TENM3: variants seen among roughly 807,000 people sequenced by gnomAD.
TENM3 encodes teneurin-3.
In TENM3, 63 loss-of-function variants were observed where a neutral mutation model predicts 255.1. That is an observed-to-expected ratio of 0.25 (90% CI 0.20 to 0.30). The LOEUF (loss-of-function observed/expected upper bound fraction) is 0.30. Ranked by LOEUF, TENM3 falls within the 10% of genes least tolerant of loss-of-function variation. The pLI is 1.00. For synonymous variants in TENM3, 1,306 were observed against 1,322.3 expected (o/e 0.99, Z 0.27); for missense variants, 2,929 against 3,461.1 (o/e 0.85, Z 3.86).
At position 182,793,687 on chromosome 4, in the gene TENM3, C is replaced by A. The variant is rs746021316; in HGVS notation, c.7015C>A (p.His2339Asn). 71 of 1,613,858 alleles carry A rather than the reference C, an allele frequency of 4.4e-5. No individual in the cohort carries two copies. Among genetic ancestry groups the A allele is most frequent in the Non-Finnish European group, 5.9e-5 (70 of 1,179,842 alleles). The change falls in exon 26 of 28, where the codon CAT becomes AAT. Residue 2339 changes from histidine to asparagine, a missense_variant. Coordinates refer to ENST00000511685, the MANE Select transcript of TENM3 (RefSeq NM_001080477.4). The surrounding 1 kb of genome is among the most constrained non-coding windows in gnomAD (Gnocchi z 5.7). ...TGACTTTCAACTGGTAATTGGATTT[C>A]ATGGTGGCCTGTATGACCCACTCAC... Reference protein sequence around the residue: ...NIDFQLVIGFHGGLYDPLTKL... With the variant: ...NIDFQLVIGFNGGLYDPLTKL...
chr4:182,554,454 C>A (rs1742382891), intron 3 of TENM3, among the ~76,000 whole-genome samples: 1 of 152,102 alleles, frequency 6.6e-6, no homozygotes, highest in African/African-American at 2.4e-5. Context: ...CAGTTTTCTA[C>A]ATGATAGTAA....
the TENM3 span, among the ~76,000 whole-genome samples, chr4:181,872,421 G>A: frequency 6.6e-6 from 1 of 151,888 alleles, no homozygotes; most frequent in African/African-American, 2.4e-5. Context: ...TCATCACCCA[G>A]GTATTAAGCC....
At chr4:182,450,499 T>G (rs1773366771) in intron 3 of TENM3, among the ~76,000 whole-genome samples, 1 of 152,160 alleles carries the variant, frequency 6.6e-6, no homozygotes, top group Non-Finnish European at 1.5e-5. Context: ...GTTAAAAAAC[T>G]TGAGAAATGT....
At chr4:181,609,496 A>G in the TENM3 span, among the ~76,000 whole-genome samples, 3 of 152,136 alleles carry the variant, frequency 2.0e-5, no homozygotes, top group Non-Finnish European at 4.4e-5. Context: ...ACCTTTTTCT[A>G]GGAGGTTAAT....
intron 4 of TENM3, among the ~76,000 whole-genome samples, chr4:182,608,114 C>T (rs186939271): frequency 1.4e-4 from 21 of 152,246 alleles, no homozygotes; most frequent in Non-Finnish European, 2.8e-4. Context: ...TGTCTCAGTC[C>T]TCTTTACTTG....
the TENM3 span, among the ~76,000 whole-genome samples, chr4:182,076,879 G>A: frequency 2.6e-5 from 4 of 152,122 alleles, no homozygotes; most frequent in Non-Finnish European, 4.4e-5. Context: ...ACAGGTGACC[G>A]CATCTGGCCT....
the TENM3 span, among the ~76,000 whole-genome samples, chr4:181,554,490 G>A: frequency 1.3e-5 from 2 of 152,120 alleles, no homozygotes; most frequent in Non-Finnish European, 2.9e-5. Flanking sequence ...AACATAAATT[G>A]AGAAGATTCA....
the TENM3 span, among the ~76,000 whole-genome samples, chr4:181,605,563 AAAGAAAGAGAGAGAAAGAAAGGAAAG>A: frequency 9.0e-3 from 276 of 30,512 alleles, 27 homozygotes; most frequent in Non-Finnish European, 0.016. Context: ...AGAAAGAAAG[AAAGAAAGAGAGAGAAAGAAAGGAAAG>A]AAAGAAAGAA....
chr4:182,486,871 G>A (rs1052186872), intron 3 of TENM3, among the ~76,000 whole-genome samples: 5 of 152,192 alleles, frequency 3.3e-5, no homozygotes, highest in African/African-American at 1.2e-4. Flanking sequence ...GATGAGTCTA[G>A]TCCCTTGGGG....
At chr4:182,675,685 G>A (rs905263794) in intron 7 of TENM3, among the ~76,000 whole-genome samples, 7 of 152,166 alleles carry the variant, frequency 4.6e-5, no homozygotes, top group Non-Finnish European at 1.5e-5. Context: ...GATTATTTGT[G>A]TATAATTCAA....
chr4:181,530,997 C>T, the TENM3 span, among the ~76,000 whole-genome samples: 1 of 152,116 alleles, frequency 6.6e-6, no homozygotes, highest in African/African-American at 2.4e-5. Flanking sequence ...TTGTCTTACT[C>T]TGATACCATT....
chr4:181,582,299 A>G, the TENM3 span, among the ~76,000 whole-genome samples: 2 of 147,312 alleles, frequency 1.4e-5, no homozygotes, highest in East Asian at 2.0e-4. Context: ...GCAGGGAGAG[A>G]AAAAAAAAAT....
the TENM3 span, among the ~76,000 whole-genome samples, chr4:182,060,081 G>A: frequency 6.6e-6 from 1 of 152,042 alleles, no homozygotes; most frequent in African/African-American, 2.4e-5. Flanking sequence ...TCTATCGAAA[G>A]TACAAAAATC....
At chr4:182,312,264 A>G (rs1037314849) in intron 1 of TENM3, among the ~76,000 whole-genome samples, 1 of 152,220 alleles carries the variant, frequency 6.6e-6, no homozygotes, top group African/African-American at 2.4e-5. Flanking sequence ...TGGGAGGCCA[A>G]GGCCTGAGAA....
At chr4:181,883,126 CTT>C in the TENM3 span, among the ~76,000 whole-genome samples, 2 of 106,664 alleles carry the variant, frequency 1.9e-5, no homozygotes, top group Non-Finnish European at 1.9e-5. Context: ...TGCAATTAAT[CTT>C]TTTTTTTTTT....
At chr4:181,772,999 C>T in the TENM3 span, among the ~76,000 whole-genome samples, 1 of 152,224 alleles carries the variant, frequency 6.6e-6, no homozygotes, top group Non-Finnish European at 1.5e-5. Flanking sequence ...GGCACCCCCC[C>T]AAAAAATATA....
At chr4:182,708,078 G>A (rs543137833) in intron 12 of TENM3, 1 of 151,774 alleles carries the variant, frequency 6.6e-6, no homozygotes, top group East Asian at 1.9e-4. Flanking sequence ...GGCAGCCTAG[G>A]TTGCCAAGGT....
At chr4:181,483,223 C>T in the TENM3 span, among the ~76,000 whole-genome samples, 1 of 151,962 alleles carries the variant, frequency 6.6e-6, no homozygotes, top group Non-Finnish European at 1.5e-5. Context: ...ACCGTTTTTG[C>T]CAGTTAATAT....
At chr4:181,713,070 T>G in the TENM3 span, among the ~76,000 whole-genome samples, 29 of 152,336 alleles carry the variant, frequency 1.9e-4, no homozygotes, top group Admixed American at 1.1e-3. Flanking sequence ...CTAGGAAACC[T>G]TTCCCAGAGT....
Sources: gnomAD v4.1 joint callset for allele counts (sites outside exome capture counted in the v4.1 genomes callset) on GRCh38, gnomAD v4.1.1 for gene constraint, Gnocchi (gnomAD v3.1) non-coding constraint, MANE v1.5 for transcripts, NCBI Gene and HGNC (gene_info 2026-07-23, HGNC 2026-07-21) for gene names.